Variants in SPOCK1 observed in about 807,000 individuals in gnomAD.
SPOCK1 encodes the protein testican-1.
Under a neutral mutation model 55.3 loss-of-function variants are expected in SPOCK1, and 23 were observed. The observed-to-expected ratio is 0.42, with a 90% confidence interval of 0.30 to 0.59. The LOEUF is 0.59. Among genes scored for constraint, SPOCK1 ranks in the 20% least tolerant of loss-of-function variants. The pLI is 0.22. For missense variants in SPOCK1, 499 were observed against 552.5 expected (o/e 0.90, Z 0.97); for synonymous variants, 226 against 221.0 (o/e 1.02, Z -0.20).
At chr5:137,204,049 C>T (rs543228924) in intron 3 of SPOCK1, among the ~76,000 whole-genome samples, 118 of 152,248 alleles carry the variant, frequency 7.8e-4, no homozygotes, top group African/African-American at 2.6e-3. Context: ...TGGATTTGTC[C>T]TGTACTCTGC....
chr5:137,370,158 C>T (rs779805920), intron 2 of SPOCK1, among the ~76,000 whole-genome samples: 9 of 152,234 alleles, frequency 5.9e-5, no homozygotes, highest in Admixed American at 2.0e-4. Flanking sequence ...CAGGACCAAC[C>T]GATTCTGCAC....
At position 137,342,548 on chromosome 5, in the gene SPOCK1, G is replaced by A. The variant is rs576353831; in HGVS notation, c.187-75493C>T. On this transcript the variant is annotated intron_variant, in intron 2 of 10. Coordinates refer to ENST00000394945, the MANE Select transcript of SPOCK1 (RefSeq NM_004598.4). ...TACCCATTCAGGAGCAAATAAAGTC[G>A]ATTTCCACTAGAAGAATGTCAGGCA... Among the ~76,000 whole-genome samples the A allele has an allele frequency of 4.6e-5, 7 of 152,268 alleles. No homozygotes were observed. The South Asian group carries it at 6.2e-4, about 14-fold the overall frequency.
At chr5:137,376,017 T>C (rs2127172840) in intron 2 of SPOCK1, among the ~76,000 whole-genome samples, 1 of 152,334 alleles carries the variant, frequency 6.6e-6, no homozygotes, top group Middle Eastern at 3.4e-3. Flanking sequence ...AAGCACTGAA[T>C]GCAATAAAAC....
At chr5:137,299,995 C>T (rs995865190) in intron 2 of SPOCK1, among the ~76,000 whole-genome samples, 8 of 151,954 alleles carry the variant, frequency 5.3e-5, no homozygotes, top group African/African-American at 1.9e-4. Context: ...TTTTCCTGTC[C>T]GACTTTCCTC....
In SPOCK1 at chr5:137,401,748, A is replaced by C. The variant is rs116357224; in HGVS notation, c.186+96625T>G. Among the ~76,000 whole-genome samples the C allele has an allele frequency of 3.7e-3, 557 of 152,076 alleles. 1 individual carries two copies. Among genetic ancestry groups the C allele is most frequent in the African/African-American group, 0.013 (530 of 41,450 alleles). On this transcript the variant is annotated intron_variant, in intron 2 of 10. Coordinates refer to ENST00000394945, the MANE Select transcript of SPOCK1 (RefSeq NM_004598.4). ...GACACAGTGAGACCCTGACTCAAAA[A>C]GAAAGGTTGGGAAATGGAGGGTCAA... is the stretch of plus-strand genomic sequence containing the variant.
At chr5:137,430,903 C>A (rs1580923182) in intron 2 of SPOCK1, among the ~76,000 whole-genome samples, 1 of 152,212 alleles carries the variant, frequency 6.6e-6, no homozygotes, top group Non-Finnish European at 1.5e-5. Flanking sequence ...GGGGTCATCA[C>A]ATGATCTAGT....
intron 5 of SPOCK1, among the ~76,000 whole-genome samples, chr5:137,082,429 T>C (rs1354581828): frequency 3.3e-5 from 5 of 152,094 alleles, no homozygotes; most frequent in African/African-American, 1.2e-4. Context: ...GGGATGCTTA[T>C]GGAGAAAGAT....
chr5:137,095,707 T>C (rs1281328024), intron 5 of SPOCK1, among the ~76,000 whole-genome samples: 1 of 152,198 alleles, frequency 6.6e-6, no homozygotes, highest in South Asian at 2.1e-4. Flanking sequence ...GCTGTGGTTC[T>C]CCATTCTTAT....
At chr5:137,124,600 T>C (rs1241599648) in intron 4 of SPOCK1, among the ~76,000 whole-genome samples, 1 of 152,164 alleles carries the variant, frequency 6.6e-6, no homozygotes, top group East Asian at 1.9e-4. Flanking sequence ...TGAAGAGCCA[T>C]GCAGGCCCTC....
At chr5:137,481,878 A>T (rs746503922) in intron 2 of SPOCK1, among the ~76,000 whole-genome samples, 5 of 152,068 alleles carry the variant, frequency 3.3e-5, no homozygotes, top group Admixed American at 1.3e-4. Context: ...ACTTTAACTC[A>T]AGACTGGAAA....
At chr5:137,497,020 A>G (rs530000828) in intron 2 of SPOCK1, among the ~76,000 whole-genome samples, 2 of 152,340 alleles carry the variant, frequency 1.3e-5, no homozygotes, top group South Asian at 2.1e-4. Context: ...AAACCCCCAC[A>G]CAAAGCTATG....
At chr5:137,111,586 T>TCC (rs1249789841) in intron 5 of SPOCK1, among the ~76,000 whole-genome samples, 1 of 152,168 alleles carries the variant, frequency 6.6e-6, no homozygotes, top group Non-Finnish European at 1.5e-5. Context: ...TTCTATGATT[T>TCC]CCCTTTAGTT....
At chr5:137,160,564 T>A (rs1262440014) in intron 3 of SPOCK1, among the ~76,000 whole-genome samples, 66 of 67,254 alleles carry the variant, frequency 9.8e-4, no homozygotes, top group East Asian at 7.5e-3. Context: ...ATATTATATA[T>A]TATATATTAT....
At chr5:137,455,429 C>G (rs530273324) in intron 2 of SPOCK1, among the ~76,000 whole-genome samples, 49 of 152,210 alleles carry the variant, frequency 3.2e-4, no homozygotes, top group African/African-American at 1.2e-3. Context: ...CTCAGAATAT[C>G]GAGCATGTCT....
intron 2 of SPOCK1, among the ~76,000 whole-genome samples, chr5:137,300,032 A>T (rs925890670): frequency 2.6e-5 from 4 of 152,088 alleles, no homozygotes; most frequent in African/African-American, 9.7e-5. Context: ...CCTATTACAC[A>T]TATATTAGAC....
intron 6 of SPOCK1, among the ~76,000 whole-genome samples, chr5:137,066,601 C>A (rs1580732981): frequency 6.6e-6 from 1 of 152,122 alleles, no homozygotes; most frequent in African/African-American, 2.4e-5. Flanking sequence ...GATTTTCTGA[C>A]CAGACTACAA....
At chr5:137,004,285 T>C (rs1330675718) in intron 6 of SPOCK1, among the ~76,000 whole-genome samples, 1 of 152,144 alleles carries the variant, frequency 6.6e-6, no homozygotes, top group Non-Finnish European at 1.5e-5. Flanking sequence ...AGGAGGAAGA[T>C]AGATAAATGA....
At chr5:137,422,171 T>C (rs1752513401) in intron 2 of SPOCK1, among the ~76,000 whole-genome samples, 1 of 152,184 alleles carries the variant, frequency 6.6e-6, no homozygotes, top group Non-Finnish European at 1.5e-5. Context: ...AGATACGCTG[T>C]TAGTCTGATG....
intron 2 of SPOCK1, among the ~76,000 whole-genome samples, chr5:137,482,518 A>G (rs1753971050): frequency 6.6e-6 from 1 of 152,172 alleles, no homozygotes; most frequent in Non-Finnish European, 1.5e-5. Context: ...TAGATGCCAC[A>G]ATACAGGAGC....
Sources: allele counts gnomAD v4.1 joint callset (sites outside exome capture counted in the v4.1 genomes callset), GRCh38; gene constraint gnomAD v4.1.1; transcripts MANE v1.5; gene names NCBI Gene and HGNC (gene_info 2026-07-23, HGNC 2026-07-21).